The following CA10 variants were observed in gnomAD, a reference collection of about 807,000 sequenced individuals.
The protein encoded by CA10 is carbonic anhydrase-related protein 10.
CA10 carries 14 observed loss-of-function variants against 44.2 expected under a neutral mutation model. The observed-to-expected ratio is 0.32, with a 90% CI of 0.21 to 0.50. The LOEUF (loss-of-function observed/expected upper bound fraction) is 0.50. Ranked by LOEUF, CA10 falls within the 20% of genes least tolerant of loss-of-function variation. The pLI is 0.99. For synonymous variants in CA10, 159 were observed against 141.6 expected (o/e 1.12, Z -0.87); for missense variants, 350 against 409.7 (o/e 0.85, Z 1.26).
intron 3 of CA10, among the ~76,000 whole-genome samples, chr17:51,769,447 A>G (rs1271169463): frequency 6.6e-6 from 1 of 152,192 alleles, no homozygotes; most frequent in African/African-American, 2.4e-5. Context: ...GTAGTGAAAT[A>G]TGTAGAGGAA....
At chr17:51,799,821 C>T (rs1291381032) in intron 3 of CA10, among the ~76,000 whole-genome samples, 1 of 152,226 alleles carries the variant, frequency 6.6e-6, no homozygotes, top group Non-Finnish European at 1.5e-5. Context: ...GATGCCATTT[C>T]ATTCCCACTA....
At chr17:51,734,254 A>T (rs1369202196) in intron 4 of CA10, among the ~76,000 whole-genome samples, 1 of 151,434 alleles carries the variant, frequency 6.6e-6, no homozygotes, top group African/African-American at 2.4e-5. Flanking sequence ...TAGCATCATG[A>T]CTCCTTAATC....
intron 4 of CA10, among the ~76,000 whole-genome samples, chr17:51,705,453 TG>T: frequency 6.6e-6 from 1 of 152,274 alleles, no homozygotes; most frequent in East Asian, 1.9e-4. Flanking sequence ...GGGTCTAGTT[TG>T]CTCACTACTG....
chr17:51,746,475 T>C (rs1213646931), intron 4 of CA10, among the ~76,000 whole-genome samples: 5 of 152,232 alleles, frequency 3.3e-5, no homozygotes, highest in African/African-American at 1.2e-4. Context: ...ATTGCCTCTC[T>C]TTACAGCCCA....
chr17:51,692,397 A>G (rs1475593696), intron 4 of CA10, among the ~76,000 whole-genome samples: 1 of 129,396 alleles, frequency 7.7e-6, no homozygotes, highest in Non-Finnish European at 1.8e-5. Context: ...CTATCTATCT[A>G]TCTATCTATC....
At chr17:52,110,432 T>C (rs903614161) in intron 1 of CA10, among the ~76,000 whole-genome samples, 9 of 152,234 alleles carry the variant, frequency 5.9e-5, no homozygotes, top group Non-Finnish European at 1.0e-4. Context: ...AAAACAGTTA[T>C]TGTAAGTATC....
intron 3 of CA10, among the ~76,000 whole-genome samples, chr17:51,928,276 C>T (rs998208234): frequency 6.6e-6 from 1 of 152,010 alleles, no homozygotes; most frequent in African/African-American, 2.4e-5. Context: ...TGACTGCAAC[C>T]TGTCACATGA....
At chr17:51,839,227 T>A (rs1978299393) in intron 3 of CA10, among the ~76,000 whole-genome samples, 1 of 152,122 alleles carries the variant, frequency 6.6e-6, no homozygotes, top group South Asian at 2.1e-4. Context: ...GCACGGTGGC[T>A]CATGCCTGTA....
intron 2 of CA10, among the ~76,000 whole-genome samples, chr17:51,977,536 T>G (rs1336673232): frequency 1.3e-5 from 2 of 151,984 alleles, no homozygotes; most frequent in African/African-American, 2.4e-5. Context: ...TGGGGGGAAG[T>G]CTTCAAACTA....
chr17:51,898,230 A>T (rs11870468), intron 3 of CA10, among the ~76,000 whole-genome samples: 3 of 151,740 alleles, frequency 2.0e-5, no homozygotes, highest in Admixed American at 6.6e-5. Context: ...ATTATTTTAA[A>T]ATATGTTTTC....
At chr17:51,727,213 T>C (rs1916555505) in intron 4 of CA10, among the ~76,000 whole-genome samples, 1 of 152,156 alleles carries the variant, frequency 6.6e-6, no homozygotes, top group African/African-American at 2.4e-5. Flanking sequence ...CAGTTGGCAT[T>C]TGTCGGGGGT....
intron 3 of CA10, among the ~76,000 whole-genome samples, chr17:51,781,202 A>G (rs991563678): frequency 6.6e-6 from 1 of 152,196 alleles, no homozygotes; most frequent in African/African-American, 2.4e-5. Flanking sequence ...TCTGAGCCTT[A>G]CCTTTCTCAT....
chr17:52,102,971 T>C (rs914013828), intron 1 of CA10, among the ~76,000 whole-genome samples: 5 of 152,136 alleles, frequency 3.3e-5, no homozygotes, highest in Middle Eastern at 3.2e-3. Context: ...AGGGCTTTCA[T>C]GTATTAGATT....
chr17:51,797,562 A>G (rs564047521), intron 3 of CA10, among the ~76,000 whole-genome samples: 2 of 152,180 alleles, frequency 1.3e-5, no homozygotes, highest in South Asian at 4.1e-4. Context: ...CTCCCTTAAA[A>G]AGAAAGGAAG....
chr17:52,113,633 A>G (rs1013796194), intron 1 of CA10, among the ~76,000 whole-genome samples: 2 of 152,230 alleles, frequency 1.3e-5, no homozygotes, highest in South Asian at 4.1e-4. Flanking sequence ...GATAGTTAAT[A>G]TTATAGAAAT....
chr17:52,127,960 A>C (rs1481714806), intron 1 of CA10, among the ~76,000 whole-genome samples: 2 of 152,238 alleles, frequency 1.3e-5, no homozygotes, highest in African/African-American at 4.8e-5. Flanking sequence ...ATACATCCTC[A>C]AAATACATCC....
intron 2 of CA10, among the ~76,000 whole-genome samples, chr17:52,033,147 C>T (rs1238106958): frequency 6.6e-6 from 1 of 152,080 alleles, no homozygotes; most frequent in East Asian, 1.9e-4. Context: ...AGTGGAGAAT[C>T]AGAAGAATGT....
chr17:52,153,438 A>C (rs1327711119), intron 1 of CA10, among the ~76,000 whole-genome samples: 1 of 152,136 alleles, frequency 6.6e-6, no homozygotes, highest in Non-Finnish European at 1.5e-5. Flanking sequence ...TACAACTGAA[A>C]GAAAAATTCG....
intron 4 of CA10, among the ~76,000 whole-genome samples, chr17:51,730,934 T>C (rs1367762260): frequency 6.6e-6 from 1 of 151,214 alleles, no homozygotes; most frequent in African/African-American, 2.4e-5. Flanking sequence ...TGGGTTGTTT[T>C]AGTACCTTGG....
Sources: allele counts gnomAD v4.1 joint callset (sites outside exome capture counted in the v4.1 genomes callset), GRCh38; gene constraint gnomAD v4.1.1; transcripts MANE v1.5; gene names NCBI Gene and HGNC (gene_info 2026-07-23, HGNC 2026-07-21).